Variants in CSMD1 observed in about 807,000 individuals in gnomAD.
The protein encoded by CSMD1 is CUB and sushi domain-containing protein 1.
A neutral mutation model predicts 417.5 loss-of-function variants in CSMD1; 213 were observed. The observed-to-expected ratio is 0.51, with a 90% CI of 0.46 to 0.57. The LOEUF is 0.57. CSMD1 is among the 20% of genes least tolerant of loss of function. The probability of loss-of-function intolerance (pLI) is 0.00; values close to 1 mark genes in which losing one functional copy is unlikely to be tolerated. For missense variants in CSMD1, 6,923 were observed against 4,529.7 expected (o/e 1.53, Z -15.17); for synonymous variants, 2,862 against 1,736.8 (o/e 1.65, Z -16.11).
At chr8:4,368,655 G>A (rs191009195) in intron 3 of CSMD1, among the ~76,000 whole-genome samples, 5 of 151,992 alleles carry the variant, frequency 3.3e-5, no homozygotes, top group African/African-American at 1.2e-4. Context: ...GAACTTATTG[G>A]TCTGTTCAGG....
chr8:4,411,103 A>T (rs534233016), intron 3 of CSMD1, among the ~76,000 whole-genome samples: 1 of 152,186 alleles, frequency 6.6e-6, no homozygotes, highest in African/African-American at 2.4e-5. Context: ...ACGTGTGGCC[A>T]CCTGATCTTC....
intron 5 of CSMD1, among the ~76,000 whole-genome samples, chr8:3,985,367 C>T (rs1209996613): frequency 6.6e-6 from 1 of 152,074 alleles, no homozygotes; most frequent in Non-Finnish European, 1.5e-5. Context: ...TTTTGTTTTC[C>T]TTTCTTCCAT....
chr8:4,010,831 C>T (rs1816485283), intron 4 of CSMD1, among the ~76,000 whole-genome samples: 1 of 152,124 alleles, frequency 6.6e-6, no homozygotes, highest in Non-Finnish European at 1.5e-5. Context: ...CAGTCTAGGC[C>T]AAGTCCACTT....
At chr8:4,284,040 C>G (rs1481077945) in intron 3 of CSMD1, among the ~76,000 whole-genome samples, 1 of 152,108 alleles carries the variant, frequency 6.6e-6, no homozygotes, top group African/African-American at 2.4e-5. Flanking sequence ...CGAAACCAGG[C>G]TGGCCATCAT....
At chr8:3,427,963 A>G (rs918311477) in intron 12 of CSMD1, among the ~76,000 whole-genome samples, 1 of 152,232 alleles carries the variant, frequency 6.6e-6, no homozygotes, top group African/African-American at 2.4e-5. Context: ...AGGTAAAGGA[A>G]TTTTGAATTT....
rs146412362 is a variant in CSMD1, at chr8:4,895,319, T to G, written c.85+99013A>C. Among the ~76,000 whole-genome samples, 198 of 152,254 alleles carry G rather than the reference T, an allele frequency of 1.3e-3. 2 individuals carry two copies. The highest frequency in any genetic ancestry group is 4.6e-3 in the African/African-American group (192 of 41,518). ...TCCGTATGACTTAGTTGTCTTTGTTTCTCTCCAATATTTCAGTTTCTGGAG... is the reference window on the plus strand; with the variant it reads ...TCCGTATGACTTAGTTGTCTTTGTTGCTCTCCAATATTTCAGTTTCTGGAG... On this transcript the variant is annotated intron_variant, in intron 1 of 69. Coordinates refer to ENST00000635120, the MANE Select transcript of CSMD1 (RefSeq NM_033225.6).
chr8:4,205,905 C>T (rs1019507119), intron 3 of CSMD1, among the ~76,000 whole-genome samples: 27 of 152,170 alleles, frequency 1.8e-4, no homozygotes, highest in East Asian at 3.9e-4. Context: ...AAATCAGTAC[C>T]GAGTCCTCCT....
At chr8:3,661,201 T>C (rs937763791) in intron 7 of CSMD1, among the ~76,000 whole-genome samples, 4 of 152,122 alleles carry the variant, frequency 2.6e-5, no homozygotes, top group African/African-American at 4.8e-5. Flanking sequence ...GCAGACAAGA[T>C]TGAGAACCTA....
intron 1 of CSMD1, among the ~76,000 whole-genome samples, chr8:4,645,448 A>G (rs901204215): frequency 6.8e-6 from 1 of 147,028 alleles, no homozygotes; most frequent in Non-Finnish European, 1.5e-5. Context: ...CAGGGGCAAA[A>G]AAAAAAAAAA....
chr8:3,587,606 C>T (rs1038711752), intron 8 of CSMD1, among the ~76,000 whole-genome samples: 7 of 152,092 alleles, frequency 4.6e-5, no homozygotes, highest in Non-Finnish European at 1.0e-4. Flanking sequence ...CCAGCATCCC[C>T]CACGGCATCT....
At chr8:3,741,996 C>G (rs1290105438) in intron 6 of CSMD1, among the ~76,000 whole-genome samples, 1 of 125,248 alleles carries the variant, frequency 8.0e-6, no homozygotes, top group African/African-American at 3.5e-5. Context: ...TTTTTTTTAA[C>G]CCTGCAAATT....
chr8:3,967,483 T>A (rs1277540872), intron 5 of CSMD1, among the ~76,000 whole-genome samples: 3 of 151,686 alleles, frequency 2.0e-5, no homozygotes, highest in Non-Finnish European at 4.4e-5. Context: ...GATGGAAAGT[T>A]GTTGAAATAC....
intron 8 of CSMD1, among the ~76,000 whole-genome samples, chr8:3,614,758 C>T (rs759037473): frequency 2.6e-5 from 4 of 152,200 alleles, no homozygotes; most frequent in Non-Finnish European, 5.9e-5. Context: ...AGATGAGTTT[C>T]TTTGTGCCAC....
intron 2 of CSMD1, among the ~76,000 whole-genome samples, chr8:4,445,757 T>A (rs13254250): frequency 6.7e-6 from 1 of 150,202 alleles, no homozygotes; most frequent in Non-Finnish European, 1.5e-5. Flanking sequence ...TAGACGGTCC[T>A]GAGAATCTAC....
chr8:3,694,569 G>A (rs368822683), intron 7 of CSMD1, among the ~76,000 whole-genome samples: 3 of 152,004 alleles, frequency 2.0e-5, no homozygotes. Context: ...GGAAGGCCAG[G>A]CCCGAGACTC....
intron 3 of CSMD1, among the ~76,000 whole-genome samples, chr8:4,312,946 G>C (rs1798712968): frequency 6.6e-6 from 1 of 152,186 alleles, no homozygotes; most frequent in African/African-American, 2.4e-5. Context: ...TGGAAGCCCA[G>C]AGGAAGAGCC....
intron 3 of CSMD1, among the ~76,000 whole-genome samples, chr8:4,338,815 G>C (rs545057035): frequency 6.6e-6 from 1 of 152,096 alleles, no homozygotes; most frequent in South Asian, 2.1e-4. Flanking sequence ...AATTACTCTT[G>C]TGTTGCCTTA....
chr8:3,479,240 G>C lies in CSMD1; in HGVS notation c.1449-10416C>G, dbSNP rs568771196. Among the ~76,000 whole-genome samples the C allele has an allele frequency of 1.4e-4, 21 of 152,128 alleles. 1 individual carries two copies. In the South Asian group the frequency reaches 3.7e-3, roughly 27 times the overall value. On this transcript the variant is annotated intron_variant, in intron 11 of 69. Coordinates refer to ENST00000635120, the MANE Select transcript of CSMD1 (RefSeq NM_033225.6). ...AAGGTACTTGCTTGCTAAAATATTA[G>C]GTGGGTACAAAAGCAATTGCAGTTT...
chr8:4,364,765 C>T (rs1215844025), intron 3 of CSMD1, among the ~76,000 whole-genome samples: 1 of 19,352 alleles, frequency 5.2e-5, no homozygotes, highest in Non-Finnish European at 7.7e-5. Context: ...GCGGAGCTTG[C>T]AGTGAGCCGA....
Sources: gnomAD v4.1 joint callset for allele counts (sites outside exome capture counted in the v4.1 genomes callset) on GRCh38, gnomAD v4.1.1 for gene constraint, MANE v1.5 for transcripts, NCBI Gene and HGNC (gene_info 2026-07-23, HGNC 2026-07-21) for gene names.